Variants in HDAC9 observed in about 807,000 individuals in gnomAD.
The protein encoded by HDAC9 is histone deacetylase 9.
In HDAC9, 41 loss-of-function variants were observed where a neutral mutation model predicts 139.4. That is an observed-to-expected ratio of 0.29 (90% CI 0.23 to 0.38). The LOEUF is 0.38. Ranked by LOEUF, HDAC9 falls within the 10% of genes least tolerant of loss-of-function variation. The probability of loss-of-function intolerance (pLI) is 1.00; values close to 1 mark genes in which losing one functional copy is unlikely to be tolerated. For synonymous variants in HDAC9, 517 were observed against 476.2 expected (o/e 1.09, Z -1.12); for missense variants, 1,147 against 1,297.0 (o/e 0.88, Z 1.78).
intron 1 of HDAC9, among the ~76,000 whole-genome samples, chr7:18,318,415 TG>T (rs1318322183): frequency 6.6e-6 from 1 of 152,196 alleles, no homozygotes; most frequent in Non-Finnish European, 1.5e-5. Context: ...GGAATGCAGA[TG>T]GCATTTGTTT....
chr7:18,693,144 C>G (rs1341921187), intron 12 of HDAC9, among the ~76,000 whole-genome samples: 1 of 151,392 alleles, frequency 6.6e-6, no homozygotes, highest in Non-Finnish European at 1.5e-5. Context: ...AAAACTAGAT[C>G]AACTTAGATA....
At chr7:18,448,813 C>T (rs1298952497) in intron 1 of HDAC9, among the ~76,000 whole-genome samples, 1 of 152,038 alleles carries the variant, frequency 6.6e-6, no homozygotes, top group Non-Finnish European at 1.5e-5. Flanking sequence ...GACTGCAAGG[C>T]TCCTGAAATT....
At chr7:18,703,948 G>T (rs2129106662) in intron 12 of HDAC9, among the ~76,000 whole-genome samples, 1 of 152,234 alleles carries the variant, frequency 6.6e-6, no homozygotes, top group South Asian at 2.1e-4. Flanking sequence ...CAGATCTTAG[G>T]CCAAGCCCTG....
At chr7:18,829,323 A>G in intron 18 of HDAC9, 107 bp downstream of exon 18, 1 of 1,160,916 alleles carries the variant, frequency 8.6e-7, no homozygotes, top group Non-Finnish European at 1.3e-6. Context: ...GGACTGAAAA[A>G]TCTTGCGAGG....
At chr7:18,439,231 C>T (rs563375412) in intron 1 of HDAC9, among the ~76,000 whole-genome samples, 1 of 152,206 alleles carries the variant, frequency 6.6e-6, no homozygotes, top group Non-Finnish European at 1.5e-5. Context: ...CTCTCTCTTT[C>T]TCTGTGACTA....
At chr7:18,732,485 A>T (rs1183375623) in intron 13 of HDAC9, among the ~76,000 whole-genome samples, 1 of 148,714 alleles carries the variant, frequency 6.7e-6, no homozygotes, top group African/African-American at 2.5e-5. Context: ...TACAGTGTAT[A>T]TATGTGTATA....
chr7:18,356,377 T>TTTA (rs1783300362), intron 1 of HDAC9, among the ~76,000 whole-genome samples: 1 of 145,418 alleles, frequency 6.9e-6, no homozygotes, highest in Non-Finnish European at 1.5e-5. Flanking sequence ...TTTTTTTTTT[T>TTTA]TTTTTTTTAA....
intron 2 of HDAC9, among the ~76,000 whole-genome samples, chr7:18,257,401 C>CACACACACA (rs1795338037): frequency 1.6e-4 from 21 of 130,948 alleles, no homozygotes; most frequent in African/African-American, 5.8e-4. Flanking sequence ...TCTGTCTCTC[C>CACACACACA]CACACACACA....
At chr7:18,492,589 C>T (rs1396258715), upstream of HDAC9, among the ~76,000 whole-genome samples, 2 of 151,726 alleles carry the variant, frequency 1.3e-5, no homozygotes, top group Non-Finnish European at 2.9e-5. Flanking sequence ...GCAATAAATG[C>T]TTACTTAATT....
chr7:18,947,388 C>T (rs1296413378), intron 23 of HDAC9, among the ~76,000 whole-genome samples: 1 of 151,602 alleles, frequency 6.6e-6, no homozygotes, highest in Non-Finnish European at 1.5e-5. Flanking sequence ...AGCATGCATG[C>T]CCAGCACTGG....
At position 18,998,144 on chromosome 7, in the gene HDAC9, T is replaced by A. The variant is rs1786569222; in HGVS notation, c.*2082T>A. The A allele has an allele frequency of 1.3e-5, 2 of 152,188 alleles. No homozygotes were observed. Among genetic ancestry groups the A allele is most frequent in the Non-Finnish European group, 2.9e-5 (2 of 68,014 alleles). The allele number at this position is 152,188 out of a possible 1,614,324, so 9.4% of individuals were successfully genotyped here. ...CCCCATTTTAAAAAGGAAACTCATG[T>A]TTTAATTAGAAAAATAATTGTGTAG... is the stretch of plus-strand genomic sequence containing the variant. On this transcript the variant is annotated 3_prime_UTR_variant, in exon 26 of 26. Transcript: ENST00000686413.
At chr7:18,162,444 C>CTTTT in intron 2 of HDAC9, 1 of 941,030 alleles carries the variant, frequency 1.1e-6, no homozygotes, top group Non-Finnish European at 1.5e-6. Context: ...TATGAAGGAA[C>CTTTT]TTTTTTTTTT....
intron 13 of HDAC9, among the ~76,000 whole-genome samples, chr7:18,747,107 G>A (rs1413229207): frequency 6.6e-6 from 1 of 152,164 alleles, no homozygotes; most frequent in African/African-American, 2.4e-5. Context: ...TCTTTTTGAG[G>A]AAAGGAAGGA....
chr7:18,273,055 CGTTTTTT>C (rs1296856613), intron 2 of HDAC9, among the ~76,000 whole-genome samples: 2 of 68,236 alleles, frequency 2.9e-5, no homozygotes, highest in African/African-American at 6.4e-5. Context: ...TCCCCTTCTT[CGTTTTTT>C]TTTTTTTTTT....
At chr7:18,634,138 A>G (rs1783167209) in intron 7 of HDAC9, among the ~76,000 whole-genome samples, 1 of 152,086 alleles carries the variant, frequency 6.6e-6, no homozygotes, top group Non-Finnish European at 1.5e-5. Flanking sequence ...ATGCAATAAT[A>G]AGGTATAGCC....
intron 1 of HDAC9, among the ~76,000 whole-genome samples, chr7:18,116,933 G>GTAAA (rs1784030647): frequency 6.6e-6 from 1 of 152,212 alleles, no homozygotes; most frequent in Non-Finnish European, 1.5e-5. Context: ...AGCTTGGGAA[G>GTAAA]TAAACATAGT....
intron 2 of HDAC9, among the ~76,000 whole-genome samples, chr7:18,203,017 A>G (rs1022201973): frequency 6.6e-6 from 1 of 152,350 alleles, no homozygotes. Flanking sequence ...TCTGAACATT[A>G]TATATGCTTT....
intron 13 of HDAC9, among the ~76,000 whole-genome samples, chr7:18,734,858 G>A (rs1264201860): frequency 6.6e-6 from 1 of 152,210 alleles, no homozygotes; most frequent in African/African-American, 2.4e-5. Context: ...CACCAACAGT[G>A]TAAAAGCATT....
intron 22 of HDAC9, among the ~76,000 whole-genome samples, chr7:18,890,670 G>T (rs1800602694): frequency 6.6e-6 from 1 of 152,294 alleles, no homozygotes; most frequent in Admixed American, 6.5e-5. Context: ...TTGATGATTG[G>T]AATTATACCA....
Sources: gnomAD v4.1 joint callset for allele counts (sites outside exome capture counted in the v4.1 genomes callset) on GRCh38, gnomAD v4.1.1 for gene constraint, MANE v1.5 for transcripts, NCBI Gene and HGNC (gene_info 2026-07-23, HGNC 2026-07-21) for gene names.